PREX2: variants seen among roughly 807,000 people sequenced by gnomAD.
The protein encoded by PREX2 is phosphatidylinositol-3,4,5-trisphosphate dependent Rac exchange factor 2.
A neutral mutation model predicts 203.2 loss-of-function variants in PREX2; 107 were observed. That is an observed-to-expected ratio of 0.53 (90% CI 0.45 to 0.62). PREX2 has a LOEUF of 0.62. PREX2 is among the 20% of genes least tolerant of loss of function. PREX2 has a pLI of 0.00. For missense variants in PREX2, 1,777 were observed against 1,955.9 expected (o/e 0.91, Z 1.72); for synonymous variants, 672 against 663.6 (o/e 1.01, Z -0.19).
At chr8:68,203,985 G>A (rs1388728025) in intron 37 of PREX2, among the ~76,000 whole-genome samples, 1 of 152,094 alleles carries the variant, frequency 6.6e-6, no homozygotes, top group African/African-American at 2.4e-5. Flanking sequence ...AGAATGTTAA[G>A]GAACTTCGGG....
chr8:68,052,717 C>T (rs3812455), intron 8 of PREX2, among the ~76,000 whole-genome samples: 87,236 of 151,962 alleles, frequency 0.57, 26,500 homozygotes, highest in African/African-American at 0.78. Flanking sequence ...TTCAAAGAAA[C>T]ATTAGAAAGA....
chr8:68,173,184 A>T (rs1295218611), intron 35 of PREX2, among the ~76,000 whole-genome samples: 1 of 152,192 alleles, frequency 6.6e-6, no homozygotes, highest in Non-Finnish European at 1.5e-5. Flanking sequence ...GTCATAACAC[A>T]TTGGCCATCT....
intron 1 of PREX2, among the ~76,000 whole-genome samples, chr8:67,970,584 C>T (rs1038970345): frequency 1.3e-5 from 2 of 152,162 alleles, no homozygotes; most frequent in Admixed American, 6.6e-5. Flanking sequence ...GAAAATATAC[C>T]AAACATAACT....
chr8:68,227,111 C>T (rs1813071146), intron 39 of PREX2, among the ~76,000 whole-genome samples: 1 of 152,188 alleles, frequency 6.6e-6, no homozygotes, highest in South Asian at 2.1e-4. Context: ...CATAAGCAAT[C>T]TTCTTATCTG....
Position 68,157,328 on chromosome 8 carries a change from AG to A in PREX2, c.4239del (p.Ser1414AlafsTer20), listed in dbSNP as rs1004513263. ...TGTTTACTTGTTTACACAGCACTAG[AG>A]AGCATGGAAGGATATTATTACAGAG... ...IHPVLFAQAL[E>X]SMEGYYYRDN... On this transcript the variant is annotated frameshift_variant, in exon 35 of 40. Coordinates refer to ENST00000288368, the MANE Select transcript of PREX2 (RefSeq NM_024870.4). LOFTEE classifies it high-confidence loss of function. The A allele has an allele frequency of 6.3e-7, 1 of 1,584,202 alleles. No individual in the cohort carries two copies. Among genetic ancestry groups the A allele is most frequent in the Admixed American group, 1.7e-5 (1 of 59,822 alleles).
chr8:67,989,835 A>G (rs1307757126), intron 1 of PREX2, among the ~76,000 whole-genome samples: 1 of 152,236 alleles, frequency 6.6e-6, no homozygotes, highest in East Asian at 1.9e-4. Flanking sequence ...ACATTTCTGT[A>G]AACAATTGTC....
chr8:68,152,459 G>A (rs1811459752), intron 34 of PREX2, among the ~76,000 whole-genome samples: 1 of 152,082 alleles, frequency 6.6e-6, no homozygotes, highest in African/African-American at 2.4e-5. Context: ...CCTCTCTTCA[G>A]ACAGCACGGT....
chr8:68,120,227 A>T lies in PREX2; in HGVS notation c.3536A>T (p.Gln1179Leu). 2.5e-6 allele frequency: 4 copies of T among 1,613,662 alleles called. No individual in the cohort carries two copies. Among genetic ancestry groups the T allele is most frequent in the Non-Finnish European group, 3.4e-6 (4 of 1,179,556 alleles). Reference protein sequence around the residue: ...VDSITNLLKGQAVVRAFDQTK... With the variant: ...VDSITNLLKGLAVVRAFDQTK... ...TCAATTACCAATCTCCTAAAAGGGC[A>T]GGCTGTTGTGAGGGCCTTTGACCAA... The change falls in exon 29 of 40, where the codon CAG (glutamine) becomes CTG (leucine). Residue 1179 changes from glutamine to leucine, a missense_variant. Physicochemically the swap from Gln to Leu is moderately radical, Grantham distance 113 (BLOSUM62 -2). Coordinates refer to ENST00000288368, the MANE Select transcript of PREX2 (RefSeq NM_024870.4).
rs1360175656 is a variant in PREX2, at chr8:68,231,384, A to T, written c.*6A>T. On this transcript the variant is annotated 3_prime_UTR_variant, in exon 40 of 40. Coordinates refer to ENST00000288368, the MANE Select transcript of PREX2 (RefSeq NM_024870.4). The stretch of plus-strand genomic sequence containing the variant: ...CCCCAGCTGGAGAAGAATGAAAAGA[A>T]CTCCCAAGAAACCAGGCAGGCAGAA... The T allele has an allele frequency of 2.5e-6, 4 of 1,599,200 alleles. No individual in the cohort carries two copies. The highest frequency in any genetic ancestry group is 2.3e-5 in the South Asian group (2 of 88,132).
At chr8:68,051,344 A>G (rs952612682) in intron 8 of PREX2, among the ~76,000 whole-genome samples, 8 of 146,712 alleles carry the variant, frequency 5.5e-5, no homozygotes, top group African/African-American at 1.7e-4. Flanking sequence ...TAAAGGTATA[A>G]TAACATGAGT....
chr8:67,954,184 C>T (rs1402418233), intron 1 of PREX2, among the ~76,000 whole-genome samples: 1 of 152,016 alleles, frequency 6.6e-6, no homozygotes, highest in Non-Finnish European at 1.5e-5. Context: ...ATAAATTTTC[C>T]CCTTTTATAA....
intron 1 of PREX2, among the ~76,000 whole-genome samples, chr8:68,014,602 C>G (rs559252069): frequency 1.3e-5 from 2 of 152,232 alleles, no homozygotes; most frequent in South Asian, 4.2e-4. Flanking sequence ...GTGGGAGGCA[C>G]GTCCTCTGCG....
At chr8:68,012,452 T>C (rs1320362474) in intron 1 of PREX2, among the ~76,000 whole-genome samples, 1 of 152,170 alleles carries the variant, frequency 6.6e-6, no homozygotes, top group African/African-American at 2.4e-5. Flanking sequence ...AAAAAATCCT[T>C]TTGTTTCTGA....
In PREX2 at chr8:68,202,094, G is replaced by T. The variant is rs536303086; in HGVS notation, c.4604+9569G>T. On this transcript the variant is annotated intron_variant, in intron 37 of 39. Coordinates refer to ENST00000288368, the MANE Select transcript of PREX2 (RefSeq NM_024870.4). ...TTTTTGTATTTTTCGTAGAGACAGG[G>T]TTTCACCATCGTGGCCAGACGGGTC... Among the ~76,000 whole-genome samples the T allele has an allele frequency of 2.1e-3, 317 of 151,736 alleles. 1 individual carries two copies. Among genetic ancestry groups the T allele is most frequent in the Middle Eastern group, 3.4e-3 (1 of 292 alleles).
chr8:67,999,678 C>T (rs925887056), intron 1 of PREX2, among the ~76,000 whole-genome samples: 1 of 152,010 alleles, frequency 6.6e-6, no homozygotes, highest in Non-Finnish European at 1.5e-5. Flanking sequence ...AAACTTCAGG[C>T]GCATATTCTT....
Position 68,212,887 on chromosome 8 carries a change from A to T in PREX2, c.4605-4729A>T, listed in dbSNP as rs373750734. Among the ~76,000 whole-genome samples, 59 of 152,344 alleles carry T rather than the reference A, an allele frequency of 3.9e-4. 1 individual carries two copies. The South Asian group carries it at 0.012, about 31-fold the overall frequency. ...AAACTTCTCTAAGTTTCTTTAGCAT[A>T]TGAACCATAAATTTGAGAGAATATG... On this transcript the variant is annotated intron_variant, in intron 37 of 39. Coordinates refer to ENST00000288368, the MANE Select transcript of PREX2 (RefSeq NM_024870.4).
chr8:68,105,690 T>TCC, intron 23 of PREX2: 26 of 251,500 alleles, frequency 1.0e-4, no homozygotes, highest in Middle Eastern at 2.2e-3. Flanking sequence ...ATTATATATA[T>TCC]ATATATATAT....
intron 14 of PREX2, among the ~76,000 whole-genome samples, chr8:68,075,517 C>T (rs2129611749): frequency 6.6e-6 from 1 of 152,272 alleles, no homozygotes; most frequent in South Asian, 2.1e-4. Flanking sequence ...CTCAGGGTCA[C>T]CTTCTGTGGT....
At chr8:68,061,314 A>G (rs1303181159) in intron 11 of PREX2, among the ~76,000 whole-genome samples, 2 of 152,196 alleles carry the variant, frequency 1.3e-5, no homozygotes, top group African/African-American at 4.8e-5. Context: ...GGATTCCAGA[A>G]CATATGAAGT....
Sources: allele counts gnomAD v4.1 joint callset (sites outside exome capture counted in the v4.1 genomes callset), GRCh38; gene constraint gnomAD v4.1.1; transcripts MANE v1.5; gene names NCBI Gene and HGNC (gene_info 2026-07-23, HGNC 2026-07-21).